The following TMEM135 variants were observed in gnomAD, a reference collection of about 807,000 sequenced individuals.
TMEM135 encodes transmembrane protein 135.
A neutral mutation model predicts 60.3 loss-of-function variants in TMEM135; 30 were observed. That is an observed-to-expected ratio of 0.50 (90% confidence interval 0.37 to 0.68). The LOEUF (loss-of-function observed/expected upper bound fraction) is 0.68, where lower values mean the gene tolerates loss of function less well. TMEM135 is among the 30% of genes least tolerant of loss of function. TMEM135 has a pLI of 0.00. For synonymous variants in TMEM135, 190 were observed against 186.7 expected, an observed-to-expected ratio of 1.02 and a Z score of -0.14; for missense variants, 468 against 548.8, an observed-to-expected ratio of 0.85 and a Z score of 1.47.
chr11:87,324,601 A>T lies in TMEM135; in HGVS notation c.*3268A>T, dbSNP rs966735192. 28 of 398,676 alleles carry T rather than the reference A, an allele frequency of 7.0e-5. No homozygotes were observed. Among genetic ancestry groups the T allele is most frequent in the Non-Finnish European group, 1.1e-4 (22 of 202,204 alleles). The allele number at this position is 398,676 out of a possible 1,614,324, so 24.7% of individuals were successfully genotyped here. ...TGCCTGGCTAATATTTATTTTATTT[A>T]TTTTTTTTTTGTAGAAACAAGGTGT... On this transcript the variant is annotated 3_prime_UTR_variant, in exon 15 of 15. Coordinates refer to ENST00000305494, the MANE Select transcript of TMEM135 (RefSeq NM_022918.4).
intron 5 of TMEM135, among the ~76,000 whole-genome samples, chr11:87,235,272 A>C (rs4474463): frequency 0.065 from 9,848 of 151,612 alleles, 345 homozygotes; most frequent in African/African-American, 0.086. Context: ...GAGAAGAGAG[A>C]TGGAGAGAGG....
At position 87,067,055 on chromosome 11, in the gene TMEM135, C is replaced by T. The variant is rs370102509; in HGVS notation, c.142-639C>T. 7.6e-4 allele frequency among the ~76,000 whole-genome samples: 114 copies of T among 150,650 alleles called. 1 individual carries two copies. Among genetic ancestry groups the T allele is most frequent in the East Asian group, 6.6e-3 (34 of 5,150 alleles). Reference sequence around the variant, plus strand: ...TCGGCCTCCCAAAGTACTGGGATTACAGGTGTGAGCCACCGCGCCCGGCCT... The same window carrying T: ...TCGGCCTCCCAAAGTACTGGGATTATAGGTGTGAGCCACCGCGCCCGGCCT... On this transcript the variant is annotated intron_variant, in intron 1 of 14. Coordinates refer to ENST00000305494, the MANE Select transcript of TMEM135 (RefSeq NM_022918.4).
intron 5 of TMEM135, among the ~76,000 whole-genome samples, chr11:87,197,722 T>G (rs973603656): frequency 5.9e-5 from 9 of 152,142 alleles, no homozygotes; most frequent in Non-Finnish European, 1.3e-4. Context: ...ATTTCATATT[T>G]AATTATTTGA....
chr11:87,157,492 C>A, intron 5 of TMEM135, 86 bp downstream of exon 5: 1 of 1,185,068 alleles, frequency 8.4e-7, no homozygotes, highest in Non-Finnish European at 1.3e-6. Flanking sequence ...ATCTATGATG[C>A]TTTGTCTAAG....
chr11:87,080,331 T>G (rs1565432311), intron 3 of TMEM135, among the ~76,000 whole-genome samples: 1 of 152,138 alleles, frequency 6.6e-6, no homozygotes, highest in Non-Finnish European at 1.5e-5. Context: ...CCATTAGCAC[T>G]GCCTTCCCCA....
chr11:87,211,461 A>G (rs556118902), intron 5 of TMEM135, among the ~76,000 whole-genome samples: 2 of 152,300 alleles, frequency 1.3e-5, no homozygotes, highest in African/African-American at 2.4e-5. Flanking sequence ...GGGAAAGAAC[A>G]TAGAAGGTAA....
chr11:87,110,575 T>C (rs1406836119), intron 4 of TMEM135, among the ~76,000 whole-genome samples: 1 of 152,204 alleles, frequency 6.6e-6, no homozygotes, highest in Non-Finnish European at 1.5e-5. Flanking sequence ...TTTTTGGTGA[T>C]TATTACAAAG....
intron 4 of TMEM135, among the ~76,000 whole-genome samples, chr11:87,151,878 G>A (rs976147008): frequency 3.9e-5 from 6 of 152,112 alleles, no homozygotes; most frequent in African/African-American, 7.2e-5. Context: ...ATATCCCATC[G>A]TTATTAGTAT....
chr11:87,150,114 G>A (rs1291669336), intron 4 of TMEM135, among the ~76,000 whole-genome samples: 2 of 151,710 alleles, frequency 1.3e-5, no homozygotes, highest in Non-Finnish European at 2.9e-5. Context: ...CTACTTGGGA[G>A]GGTGAGACAG....
chr11:87,176,887 CAA>C (rs1412095396), intron 5 of TMEM135, among the ~76,000 whole-genome samples: 32 of 152,094 alleles, frequency 2.1e-4, no homozygotes, highest in Non-Finnish European at 1.2e-4. Flanking sequence ...AGGGAAAGCT[CAA>C]GGGTTAAAAA....
chr11:87,187,657 A>C (rs1565479075), intron 5 of TMEM135, among the ~76,000 whole-genome samples: 1 of 152,224 alleles, frequency 6.6e-6, no homozygotes, highest in African/African-American at 2.4e-5. Context: ...TTGCCATTAA[A>C]TTTACTTAAT....
intron 14 of TMEM135, among the ~76,000 whole-genome samples, chr11:87,320,945 T>C (rs1414333783): frequency 5.3e-5 from 8 of 152,134 alleles, no homozygotes; most frequent in Admixed American, 3.9e-4. Flanking sequence ...ATAATGGTTG[T>C]AATCTCTGCG....
intron 3 of TMEM135, among the ~76,000 whole-genome samples, chr11:87,086,622 C>T (rs1335630282): frequency 6.6e-6 from 1 of 151,600 alleles, no homozygotes; most frequent in Admixed American, 6.6e-5. Flanking sequence ...GAAGTGCTTG[C>T]TGATTGGTTT....
chr11:87,312,410 G>T (rs1342539223), intron 10 of TMEM135, among the ~76,000 whole-genome samples: 4 of 151,538 alleles, frequency 2.6e-5, no homozygotes, highest in African/African-American at 9.7e-5. Context: ...CTTTGTTATA[G>T]GATTTAACAT....
chr11:87,252,638 GC>G (rs1941440237), intron 6 of TMEM135, among the ~76,000 whole-genome samples: 1 of 151,906 alleles, frequency 6.6e-6, no homozygotes, highest in African/African-American at 2.4e-5. Context: ...CAGGCATGGG[GC>G]ACATGCCTGT....
chr11:87,121,723 C>T (rs1451711683), intron 4 of TMEM135: 3 of 146,882 alleles, frequency 2.0e-5, no homozygotes, highest in African/African-American at 7.5e-5. Flanking sequence ...TCACTGCAAC[C>T]TCCACCTCCT....
chr11:87,159,003 A>G (rs1402207595), intron 5 of TMEM135, among the ~76,000 whole-genome samples: 2 of 152,110 alleles, frequency 1.3e-5, no homozygotes, highest in African/African-American at 2.4e-5. Context: ...CTTTTATAGG[A>G]TGGTTAGGGA....
rs568890086 is a variant in TMEM135, at chr11:87,214,199, A to C, written c.463-22439A>C. ...AAAGGATGAGATCCCTGTTCTAAAA[A>C]ATAATAATAAAAATAAGAAGAGATC... On this transcript the variant is annotated intron_variant, in intron 5 of 14. Coordinates refer to ENST00000305494, the MANE Select transcript of TMEM135 (RefSeq NM_022918.4). Among the ~76,000 whole-genome samples the C allele has an allele frequency of 8.1e-4, 123 of 152,290 alleles. 3 individuals are homozygous for C. The highest frequency in any genetic ancestry group is 7.8e-3 in the Admixed American group (120 of 15,288).
intron 6 of TMEM135, among the ~76,000 whole-genome samples, chr11:87,248,260 C>G (rs1402347598): frequency 6.6e-6 from 1 of 152,076 alleles, no homozygotes; most frequent in African/African-American, 2.4e-5. Context: ...ATTTTTAGTT[C>G]TTTGAGAAAC....
Sources: allele counts gnomAD v4.1 joint callset (sites outside exome capture counted in the v4.1 genomes callset), GRCh38; gene constraint gnomAD v4.1.1; transcripts MANE v1.5; gene names NCBI Gene and HGNC (gene_info 2026-07-23, HGNC 2026-07-21).